CHD1L: variants seen among roughly 807,000 people sequenced by gnomAD.
CHD1L encodes chromodomain helicase DNA binding protein 1 like.
Under a neutral mutation model 115.9 loss-of-function variants are expected in CHD1L, and 118 were observed. The ratio of observed to expected loss-of-function variants is 1.02; its 90% CI spans 0.88 to 1.19. The LOEUF (loss-of-function observed/expected upper bound fraction) is 1.19. Ranked by LOEUF, CHD1L falls within the 50% of genes most tolerant of loss-of-function variation. The pLI is 0.00. For missense variants in CHD1L, 1,179 were observed against 1,065.3 expected, an observed-to-expected ratio of 1.11 and a Z score of -1.49; for synonymous variants, 411 against 387.1, an observed-to-expected ratio of 1.06 and a Z score of -0.72.
intron 9 of CHD1L, among the ~76,000 whole-genome samples, chr1:147,267,814 C>G (rs1177606626): frequency 2.0e-5 from 3 of 152,142 alleles, no homozygotes; most frequent in African/African-American, 7.2e-5. Flanking sequence ...TAGAAACATT[C>G]TTCAGCGTTT....
intron 10 of CHD1L, among the ~76,000 whole-genome samples, chr1:147,269,762 T>C (rs1675424596): frequency 6.6e-6 from 1 of 152,038 alleles, no homozygotes; most frequent in Non-Finnish European, 1.5e-5. Flanking sequence ...GAGTTCTCTC[T>C]TTCTAGAGGA....
chr1:147,201,023 T>C, the CHD1L span: 4 of 682,190 alleles, frequency 5.9e-6, no homozygotes, highest in Non-Finnish European at 5.0e-6. Context: ...AATATATTTT[T>C]CTGTACTAAC....
the CHD1L span, chr1:147,224,059 C>A: frequency 2.6e-6 from 1 of 379,010 alleles, no homozygotes; most frequent in Non-Finnish European, 5.2e-6. Context: ...TGGTTGTCTT[C>A]CTGCCTGCCC....
intron 14 of CHD1L, among the ~76,000 whole-genome samples, chr1:147,276,527 C>T (rs932568485): frequency 4.6e-5 from 7 of 152,140 alleles, no homozygotes; most frequent in African/African-American, 1.7e-4. Flanking sequence ...ATAAAGACAC[C>T]ACAGGTTAGC....
At chr1:147,252,558 A>G (rs587683291) in intron 1 of CHD1L, 65 bp from the exon 2 acceptor site, 2 of 1,252,778 alleles carry the variant, frequency 1.6e-6, no homozygotes, top group South Asian at 2.5e-5. Flanking sequence ...TCAAACTCTT[A>G]GAACATTGCC....
At chr1:147,198,402 T>C in the CHD1L span, among the ~76,000 whole-genome samples, 1 of 152,108 alleles carries the variant, frequency 6.6e-6, no homozygotes, top group Non-Finnish European at 1.5e-5. Context: ...AGACTTTTCC[T>C]ATAGAAATAA....
chr1:147,173,293 C>G, the CHD1L span: 1 of 153,068 alleles, frequency 6.5e-6, no homozygotes. Context: ...CAGCGATACT[C>G]CGTCCCCCTC....
chr1:147,219,761 A>T, the CHD1L span, among the ~76,000 whole-genome samples: 1 of 151,818 alleles, frequency 6.6e-6, no homozygotes, highest in Non-Finnish European at 1.5e-5. Context: ...AAGTAAGAAA[A>T]AAAGAAAAAA....
In CHD1L at chr1:147,259,818, C is replaced by T; in HGVS notation, c.495-19C>T. ...TGTTTAAATTACACAAAACTGAAAG[C>T]TTGGGTTTTCTCTCACAGATTCCCT... is the stretch of plus-strand genomic sequence containing the variant. On this transcript the variant is annotated intron_variant, in intron 5 of 22. Transcript: ENST00000369258. The T allele has an allele frequency of 6.2e-7, 1 of 1,603,586 alleles. No homozygotes were observed. Among genetic ancestry groups the T allele is most frequent in the Non-Finnish European group, 8.5e-7 (1 of 1,173,798 alleles).
chr1:147,243,808 G>C lies in CHD1L; in HGVS notation c.127+978G>C, dbSNP rs116847452. On this transcript the variant is annotated intron_variant, in intron 1 of 22. Coordinates refer to ENST00000369258, the MANE Select transcript of CHD1L (RefSeq NM_004284.6). ...GGGACCCTTCCTACCTAGAGTTTTA[G>C]ACTAGTGAGAGTGCATTTAAAAGTA... Among the ~76,000 whole-genome samples the C allele has an allele frequency of 4.6e-4, 70 of 152,148 alleles. No individual in the cohort carries two copies. The East Asian group carries it at 0.013, about 27-fold the overall frequency.
At chr1:147,290,579 T>C (rs1553969509) in intron 19 of CHD1L, among the ~76,000 whole-genome samples, 2 of 152,304 alleles carry the variant, frequency 1.3e-5, no homozygotes, top group Admixed American at 6.5e-5. Flanking sequence ...TAAAATCTGT[T>C]GTGATAGTTC....
At chr1:147,229,021 C>A in the CHD1L span, among the ~76,000 whole-genome samples, 1 of 152,118 alleles carries the variant, frequency 6.6e-6, no homozygotes, top group African/African-American at 2.4e-5. Flanking sequence ...TAATTAGATC[C>A]CATTTGCCAA....
chr1:147,197,595 G>A, the CHD1L span, among the ~76,000 whole-genome samples: 1 of 151,968 alleles, frequency 6.6e-6, no homozygotes, highest in Non-Finnish European at 1.5e-5. Flanking sequence ...GGTTTTATAC[G>A]GGGCTTTCCC....
the CHD1L span, among the ~76,000 whole-genome samples, chr1:147,214,459 C>CAA: frequency 4.7e-4 from 70 of 149,198 alleles, no homozygotes; most frequent in East Asian, 7.9e-4. Context: ...TGAAAAAAAA[C>CAA]AAAAAACAAA....
the CHD1L span, among the ~76,000 whole-genome samples, chr1:147,194,020 G>C: frequency 2.0e-5 from 3 of 152,224 alleles, no homozygotes; most frequent in Middle Eastern, 3.4e-3. Context: ...ATGTCTATTA[G>C]GTCTGCTTGG....
intron 18 of CHD1L, among the ~76,000 whole-genome samples, chr1:147,286,862 T>C (rs1417502525): frequency 6.6e-6 from 1 of 152,212 alleles, no homozygotes; most frequent in Non-Finnish European, 1.5e-5. Context: ...CTTTGTACTT[T>C]TTACTTCATC....
chr1:147,203,634 C>G, the CHD1L span: 1 of 1,292,184 alleles, frequency 7.7e-7, no homozygotes, highest in Non-Finnish European at 1.1e-6. Context: ...GCGTACTGTT[C>G]AAGTCCAGGA....
chr1:147,252,494 A>G (rs955770230), intron 1 of CHD1L, 129 bp from the exon 2 acceptor site: 14 of 634,368 alleles, frequency 2.2e-5, no homozygotes, highest in Non-Finnish European at 3.7e-5. Context: ...CTCCTCAGCA[A>G]AAGATACGTC....
At chr1:147,293,818 T>C in intron 21 of CHD1L, 96 bp downstream of exon 21, 1 of 988,542 alleles carries the variant, frequency 1.0e-6, no homozygotes, top group Non-Finnish European at 1.6e-6. Flanking sequence ...AGATCCCACT[T>C]AATATGCACG....
Sources: gnomAD v4.1 joint callset for allele counts (sites outside exome capture counted in the v4.1 genomes callset) on GRCh38, gnomAD v4.1.1 for gene constraint, MANE v1.5 for transcripts, NCBI Gene and HGNC (gene_info 2026-07-23, HGNC 2026-07-21) for gene names.